The following SLC66A2 variants were observed in gnomAD, a reference collection of about 807,000 sequenced individuals.
SLC66A2 encodes the protein solute carrier family 66 member 2.
SLC66A2 carries 23 observed loss-of-function variants against 25.5 expected under a neutral mutation model. That is an observed-to-expected ratio of 0.90 (90% confidence interval 0.65 to 1.28). SLC66A2 has a LOEUF of 1.28. Among genes scored for constraint, SLC66A2 ranks in the 50% most tolerant of loss-of-function variants. The probability of loss-of-function intolerance (pLI) is 0.00; values close to 1 mark genes in which losing one functional copy is unlikely to be tolerated. For synonymous variants in SLC66A2, 193 were observed against 166.5 expected (o/e 1.16, Z -1.23); for missense variants, 396 against 373.1 (o/e 1.06, Z -0.51).
At chr18:79,946,156 G>A (rs755116549) in intron 2 of SLC66A2, among the ~76,000 whole-genome samples, 3 of 152,170 alleles carry the variant, frequency 2.0e-5, no homozygotes, top group Non-Finnish European at 4.4e-5. Flanking sequence ...AGAGAAACTC[G>A]ATATGCACAG....
At chr18:79,942,991 G>A (rs72984213) in intron 3 of SLC66A2, among the ~76,000 whole-genome samples, 18,206 of 152,190 alleles carry the variant, frequency 0.12, 1,187 homozygotes, top group East Asian at 0.22. Flanking sequence ...CGCCTGACCT[G>A]GTACCGTCTG....
chr18:79,950,763 A>G lies in SLC66A2; in HGVS notation c.164T>C (p.Leu55Pro), dbSNP rs1172945470. The G allele has an allele frequency of 1.2e-6, 2 of 1,613,130 alleles. No homozygotes were observed. The highest frequency in any genetic ancestry group is 1.1e-5 in the South Asian group (1 of 91,090). The change falls in exon 2 of 6, where the codon CTG becomes CCG. Residue 55 changes from leucine (L) to proline (P), a missense_variant. Transcript: ENST00000397778. ...CAAAATGTTGGCCACCAGCAGCACC[A>G]GGCACACGTAGGTGGAGAAGCCGTC... is the stretch of plus-strand genomic sequence containing the variant. ...NADGFSTYVC[L>P]VLLVANILRI...
chr18:79,950,170 C>T (rs145833147), intron 2 of SLC66A2, among the ~76,000 whole-genome samples: 1 of 152,062 alleles, frequency 6.6e-6, no homozygotes, highest in East Asian at 1.9e-4. Flanking sequence ...AGTGAGACAA[C>T]CCCCCACTCC....
intron 5 of SLC66A2, among the ~76,000 whole-genome samples, chr18:79,915,176 C>A (rs567046634): frequency 4.0e-4 from 61 of 152,304 alleles, no homozygotes; most frequent in South Asian, 1.4e-3. Context: ...CAGCAAACGC[C>A]TTATGTGTTC....
intron 5 of SLC66A2, among the ~76,000 whole-genome samples, chr18:79,907,935 T>C (rs1004614336): frequency 2.0e-5 from 3 of 152,126 alleles, no homozygotes; most frequent in Admixed American, 6.5e-5. Flanking sequence ...ATATTTAACT[T>C]GTCAAAGTCT....
intron 2 of SLC66A2, among the ~76,000 whole-genome samples, chr18:79,949,268 C>T (rs1409686335): frequency 1.3e-5 from 2 of 152,158 alleles, no homozygotes; most frequent in Non-Finnish European, 2.9e-5. Flanking sequence ...GGGAGCACCC[C>T]GGCTCATGAA....
chr18:79,940,215 C>A lies in SLC66A2; in HGVS notation c.337+3114G>T, dbSNP rs1434277157. 3.9e-5 allele frequency among the ~76,000 whole-genome samples: 6 copies of A among 152,058 alleles called. No individual in the cohort carries two copies. Among genetic ancestry groups the A allele is most frequent in the Non-Finnish European group, 8.8e-5 (6 of 68,008 alleles). On this transcript the variant is annotated intron_variant, in intron 3 of 5. Transcript: ENST00000397778. This position sits in a 1 kb window ranked among gnomAD's most constrained non-coding sequence, Gnocchi z 4.1. The stretch of plus-strand genomic sequence containing the variant: ...TGGACACACAGAGGGGAACAACAGC[C>A]ACTAGAGCCTGTCGGGGGGTGGAGA...
intron 5 of SLC66A2, among the ~76,000 whole-genome samples, chr18:79,914,793 C>T (rs144374189): frequency 5.9e-5 from 9 of 152,292 alleles, no homozygotes; most frequent in African/African-American, 1.2e-4. Flanking sequence ...CAAGTGGAGC[C>T]GGCTCCAGAC....
At chr18:79,914,551 G>A (rs540946978) in intron 5 of SLC66A2, among the ~76,000 whole-genome samples, 213 of 141,662 alleles carry the variant, frequency 1.5e-3, no homozygotes, top group Non-Finnish European at 2.9e-3. Flanking sequence ...CACCCAGGAA[G>A]TGGCAAAGGG....
At chr18:79,933,010 A>G (rs2144876378) in intron 4 of SLC66A2, among the ~76,000 whole-genome samples, 1 of 152,312 alleles carries the variant, frequency 6.6e-6, no homozygotes, top group South Asian at 2.1e-4. Context: ...AAAACTACAG[A>G]CCATCATGTC....
intron 5 of SLC66A2, among the ~76,000 whole-genome samples, chr18:79,912,251 A>C (rs1472052496): frequency 1.3e-5 from 2 of 152,134 alleles, no homozygotes; most frequent in African/African-American, 4.8e-5. Flanking sequence ...TTCCACCCCC[A>C]GGTAGAAGGG....
chr18:79,903,987 TGGTGCCAGTGG>T lies in SLC66A2; in HGVS notation c.794_804del (p.Pro265GlnfsTer89). On this transcript the variant is annotated frameshift_variant, in exon 6 of 6. Transcript: ENST00000397778. LOFTEE classifies it high-confidence loss of function. ...CGTCCTCCCCACTGTCAGAGGGCCT[TGGTGCCAGTGG>T]GGTGCACGGCGTGGGGCGCCGGCTT... 6.2e-7 allele frequency: 1 copy of T among 1,601,866 alleles called. No individual in the cohort carries two copies. Among genetic ancestry groups the T allele is most frequent in the South Asian group, 1.1e-5 (1 of 90,058 alleles).
rs1314499495 is a variant in SLC66A2 at position 79,919,510 on chromosome 18, AC to A, written c.392-111del. On this transcript the variant is annotated intron_variant, in intron 4 of 5. Transcript: ENST00000397778. Reference sequence around the variant, plus strand: ...GAGAGGTCAAGGTCAGTGGGGAGAGACAGGAACCGAGGGAGAGGTCAAGGTC... The same window carrying A: ...GAGAGGTCAAGGTCAGTGGGGAGAGAAGGAACCGAGGGAGAGGTCAAGGTC... 1.1e-4 allele frequency: 72 copies of A among 669,034 alleles called. 2 individuals carry two copies. Among genetic ancestry groups the A allele is most frequent in the African/African-American group, 7.4e-4 (34 of 46,112 alleles). The allele number at this position is 669,034 out of a possible 1,614,324, so 41.4% of individuals were successfully genotyped here.
chr18:79,925,886 G>A (rs1985893518), intron 4 of SLC66A2, among the ~76,000 whole-genome samples: 1 of 152,228 alleles, frequency 6.6e-6, no homozygotes, highest in Non-Finnish European at 1.5e-5. Flanking sequence ...CCTCTGAGCT[G>A]CGTTCCCAGA....
At chr18:79,915,669 C>T (rs919514442) in intron 5 of SLC66A2, 3 of 152,192 alleles carry the variant, frequency 2.0e-5, no homozygotes, top group African/African-American at 7.2e-5. Flanking sequence ...GATGGGGTGC[C>T]TGTGACATCC....
intron 2 of SLC66A2, among the ~76,000 whole-genome samples, chr18:79,948,623 G>T (rs200104360): frequency 6.6e-6 from 1 of 152,102 alleles, no homozygotes; most frequent in Non-Finnish European, 1.5e-5. Flanking sequence ...TTACAGGAGC[G>T]GGCCACCGTG....
At chr18:79,931,692 G>C (rs999258294) in intron 4 of SLC66A2, among the ~76,000 whole-genome samples, 2 of 152,142 alleles carry the variant, frequency 1.3e-5, no homozygotes, top group Non-Finnish European at 2.9e-5. Context: ...TCATATGCTA[G>C]GCCATAAGAT....
Position 79,904,015 on chromosome 18 carries a change from C to T in SLC66A2, c.777G>A (p.Ala259=), listed in dbSNP as rs894250683. ...YAFARHPQKP[A]PHAVHPTGTK... ...TGCCAGTGGGGTGCACGGCGTGGGG[C>T]GCCGGCTTCTGGGGGTGGCGGGCGA... The change falls in exon 6 of 6, where the codon GCG becomes GCA. Residue 259 remains alanine, a synonymous_variant. Coordinates refer to ENST00000397778, the MANE Select transcript of SLC66A2 (RefSeq NM_025078.5). The surrounding 1 kb of genome is among the most constrained non-coding windows in gnomAD (Gnocchi z 6.3). 15 of 1,606,100 alleles carry T rather than the reference C, an allele frequency of 9.3e-6. No homozygotes were observed. Among genetic ancestry groups the T allele is most frequent in the Admixed American group, 6.8e-5 (4 of 58,742 alleles).
At chr18:79,942,550 A>G (rs557494536) in intron 3 of SLC66A2, among the ~76,000 whole-genome samples, 119 of 152,344 alleles carry the variant, frequency 7.8e-4, no homozygotes, top group African/African-American at 2.7e-3. Flanking sequence ...CTCTGGGAAG[A>G]TACTCTTCTC....
Sources: allele counts gnomAD v4.1 joint callset (sites outside exome capture counted in the v4.1 genomes callset), GRCh38; gene constraint gnomAD v4.1.1; non-coding constraint Gnocchi (gnomAD v3.1); transcripts MANE v1.5; gene names NCBI Gene and HGNC (gene_info 2026-07-23, HGNC 2026-07-21).